The following CLASRP variants were observed in gnomAD, a reference collection of about 807,000 sequenced individuals.
The protein encoded by CLASRP is CLK4-associating serine/arginine rich protein.
CLASRP carries 52 observed loss-of-function variants against 99.9 expected under a neutral mutation model. That is an observed-to-expected ratio of 0.52 (90% CI 0.42 to 0.66). The LOEUF is 0.66. Among genes scored for constraint, CLASRP ranks in the 30% least tolerant of loss-of-function variants. CLASRP has a pLI of 0.00. For synonymous variants in CLASRP, 379 were observed against 373.0 expected, an observed-to-expected ratio of 1.02 and a Z score of -0.18; for missense variants, 848 against 999.2, an observed-to-expected ratio of 0.85 and a Z score of 2.04.
At chr19:45,052,641 A>G in intron 3 of CLASRP, 150 bp from the exon 4 acceptor site, 1 of 620,422 alleles carries the variant, frequency 1.6e-6, no homozygotes, top group Non-Finnish European at 2.8e-6. Context: ...AGGGACTGAG[A>G]GCTGGGGGTT....
chr19:45,054,359 C>T (rs946210630), intron 5 of CLASRP, among the ~76,000 whole-genome samples: 1 of 152,212 alleles, frequency 6.6e-6, no homozygotes, highest in Non-Finnish European at 1.5e-5. Context: ...AAGTGATTCT[C>T]CTGCCTCAGC....
At chr19:45,068,761 G>T (rs1600118310) in intron 16 of CLASRP, among the ~76,000 whole-genome samples, 1 of 152,278 alleles carries the variant, frequency 6.6e-6, no homozygotes, top group East Asian at 1.9e-4. Context: ...CACTTTGGGA[G>T]GCCGAGGTGG....
chr19:45,060,881 C>T lies in CLASRP; in HGVS notation c.863+254C>T, dbSNP rs1255321044. ...TGCCAGACTCCCAGGAGCCCATGCA[C>T]AGGCGGCATAAGGCTCTCACCAAGG... is the stretch of plus-strand genomic sequence containing the variant. On this transcript the variant is annotated intron_variant, in intron 10 of 20. Transcript: ENST00000221455. The surrounding 1 kb of genome is among the most constrained non-coding windows in gnomAD (Gnocchi z 4.6). Among the ~76,000 whole-genome samples the T allele has an allele frequency of 6.6e-6, 1 of 152,234 alleles. No individual in the cohort carries two copies. Among genetic ancestry groups the T allele is most frequent in the Non-Finnish European group, 1.5e-5 (1 of 68,036 alleles).
At chr19:45,070,131 C>T (rs982139796) in intron 19 of CLASRP, 27 bp downstream of exon 19, 21 of 1,387,532 alleles carry the variant, frequency 1.5e-5, no homozygotes, top group East Asian at 6.8e-5. Flanking sequence ...GGCTGCAGGG[C>T]TCTGGGGCTT....
Position 45,039,371 on chromosome 19 carries a change from CA to C in CLASRP, c.-30+273del, listed in dbSNP as rs397897298. ...GCCCCCTTGTCAAAAAAAAAAACAA[CA>C]AAAAAAAAACCCAGCCCAAATCCTC... On this transcript the variant is annotated intron_variant, in intron 1 of 20. Coordinates refer to ENST00000221455, the MANE Select transcript of CLASRP (RefSeq NM_007056.3). 1.7e-3 allele frequency: 242 copies of C among 145,578 alleles called. 1 individual carries two copies. Among genetic ancestry groups the C allele is most frequent in the African/African-American group, 5.8e-3 (221 of 38,428 alleles). 9.0% of individuals were successfully genotyped at this position (145,578 alleles called of 1,614,324 possible).
chr19:45,066,505 C>A (rs1967089943), intron 13 of CLASRP, among the ~76,000 whole-genome samples: 1 of 151,270 alleles, frequency 6.6e-6, no homozygotes, highest in African/African-American at 2.4e-5. Flanking sequence ...CATCTGTAAT[C>A]CCAGCTATTC....
intron 3 of CLASRP, among the ~76,000 whole-genome samples, 185 bp from the exon 4 acceptor site, chr19:45,052,606 T>G (rs941122944): frequency 6.6e-6 from 1 of 151,832 alleles, no homozygotes; most frequent in Non-Finnish European, 1.5e-5. Flanking sequence ...AGCCTGAATG[T>G]GGATTCAGGG....
chr19:45,040,347 CTGGGT>C (rs752716804), intron 2 of CLASRP, 36 bp downstream of exon 2: 3 of 1,492,942 alleles, frequency 2.0e-6, no homozygotes. Flanking sequence ...GTGAGGGACC[CTGGGT>C]TGGGGGGCAC....
intron 2 of CLASRP, among the ~76,000 whole-genome samples, chr19:45,041,496 T>C: frequency 6.6e-6 from 1 of 152,176 alleles, no homozygotes; most frequent in East Asian, 1.9e-4. Context: ...CAGCTTGAAA[T>C]GGCACCTGTT....
chr19:45,069,526 T>G, intron 18 of CLASRP: 1 of 576,218 alleles, frequency 1.7e-6, no homozygotes, highest in Non-Finnish European at 3.1e-6. Flanking sequence ...CCTGGCAAGC[T>G]GTTCCTGATA....
chr19:45,054,366 C>T (rs576840399), intron 5 of CLASRP, among the ~76,000 whole-genome samples: 2 of 152,234 alleles, frequency 1.3e-5, no homozygotes, highest in Admixed American at 1.3e-4. Flanking sequence ...TCTCCTGCCT[C>T]AGCCTCCCAA....
intron 5 of CLASRP, among the ~76,000 whole-genome samples, chr19:45,056,062 G>C (rs1972113624): frequency 6.6e-6 from 1 of 152,138 alleles, no homozygotes; most frequent in Non-Finnish European, 1.5e-5. Flanking sequence ...ATGCAGTGGA[G>C]TGACCTGTGC....
intron 2 of CLASRP, among the ~76,000 whole-genome samples, chr19:45,048,240 C>A (rs1971957649): frequency 6.6e-6 from 1 of 150,746 alleles, no homozygotes; most frequent in African/African-American, 2.4e-5. Flanking sequence ...GTAACATGGG[C>A]ATAAGAATAG....
chr19:45,048,762 C>A (rs578019509), intron 2 of CLASRP, among the ~76,000 whole-genome samples: 1 of 150,190 alleles, frequency 6.7e-6, no homozygotes, highest in African/African-American at 2.5e-5. Flanking sequence ...CCGAGGCAGG[C>A]GGATCACGAG....
intron 5 of CLASRP, among the ~76,000 whole-genome samples, chr19:45,055,910 G>A (rs538996476): frequency 3.9e-5 from 6 of 152,302 alleles, no homozygotes; most frequent in East Asian, 3.9e-4. Context: ...GTCCCACAGC[G>A]AGTCAGGGAC....
rs1467508564 is a variant in CLASRP, at chr19:45,067,469, T to G, written c.1542T>G (p.His514Gln). ...GCAGCCTGACTCGCAGCCGCAGCCA[T>G]AGCCCCAGCCCCAGCCAGAGCCGCA... Reference protein sequence around the residue: ...RSRSLTRSRSHSPSPSQSRSR... With the variant: ...RSRSLTRSRSQSPSPSQSRSR... The change falls in exon 14 of 21, where the codon CAT becomes CAG. Residue 514 changes from histidine to glutamine, a missense_variant. His to Gln is a conservative substitution (Grantham distance 24, BLOSUM62 0). Coordinates refer to ENST00000221455, the MANE Select transcript of CLASRP (RefSeq NM_007056.3). This position sits in a 1 kb window ranked among gnomAD's most constrained non-coding sequence, Gnocchi z 4.9. 1 of 1,556,856 alleles carries G rather than the reference T, an allele frequency of 6.4e-7. No individual in the cohort carries two copies. The highest frequency in any genetic ancestry group is 1.9e-5 in the Admixed American group (1 of 53,356).
intron 13 of CLASRP, 103 bp downstream of exon 13, chr19:45,064,733 A>T: frequency 1.4e-6 from 2 of 1,445,132 alleles, no homozygotes; most frequent in Non-Finnish European, 1.8e-6. Context: ...TCCAGCTCAG[A>T]GAACACCCCA....
chr19:45,049,063 G>T (rs1481568976), intron 2 of CLASRP, among the ~76,000 whole-genome samples: 1 of 152,198 alleles, frequency 6.6e-6, no homozygotes, highest in African/African-American at 2.4e-5. Context: ...ACAGTGCCTG[G>T]TTTTTAGTAG....
intron 2 of CLASRP, among the ~76,000 whole-genome samples, chr19:45,045,218 G>C (rs750498565): frequency 7.9e-5 from 12 of 152,176 alleles, no homozygotes; most frequent in Non-Finnish European, 1.3e-4. Context: ...CATGCCATTT[G>C]TTGAGAAAGT....
Sources: allele counts gnomAD v4.1 joint callset (sites outside exome capture counted in the v4.1 genomes callset), GRCh38; gene constraint gnomAD v4.1.1; non-coding constraint Gnocchi (gnomAD v3.1); transcripts MANE v1.5; gene names NCBI Gene and HGNC (gene_info 2026-07-23, HGNC 2026-07-21).